The following UGT1A10 variants were observed in gnomAD, a reference collection of about 807,000 sequenced individuals.
The protein encoded by UGT1A10 is UDP glucuronosyltransferase family 1 member A10.
UGT1A10 carries 49 observed loss-of-function variants against 45.8 expected under a neutral mutation model. The observed-to-expected ratio is 1.07, with a 90% CI of 0.85 to 1.36. UGT1A10 has a LOEUF of 1.36. UGT1A10 is among the 40% of genes most tolerant of loss of function. UGT1A10 has a pLI of 0.00. For missense variants in UGT1A10, 745 were observed against 668.6 expected, an observed-to-expected ratio of 1.11 and a Z score of -1.26; for synonymous variants, 284 against 249.7, an observed-to-expected ratio of 1.14 and a Z score of -1.29.
intron 1 of UGT1A10, chr2:233,717,994 C>T (rs1405290169): frequency 4.7e-6 from 2 of 423,448 alleles, no homozygotes; most frequent in Non-Finnish European, 4.8e-6. Context: ...TCAGACTGTG[C>T]AAGATCTGAG....
intron 1 of UGT1A10, chr2:233,722,101 G>A: frequency 1.0e-5 from 2 of 200,878 alleles, no homozygotes; most frequent in Non-Finnish European, 1.0e-5. Context: ...AGGCCTCTTA[G>A]AGGAAGAGCT....
intron 1 of UGT1A10, chr2:233,717,918 A>C (rs2076615839): frequency 2.2e-6 from 1 of 454,686 alleles, no homozygotes; most frequent in Non-Finnish European, 4.4e-6. Flanking sequence ...GGCCTGGATG[A>C]ATGGATACTT....
chr2:233,695,435 C>CT (rs747907611), intron 1 of UGT1A10, among the ~76,000 whole-genome samples: 38 of 130,502 alleles, frequency 2.9e-4, no homozygotes, highest in Middle Eastern at 4.3e-3. Flanking sequence ...TCTTCTTCTT[C>CT]TTTTTTTTTT....
intron 1 of UGT1A10, among the ~76,000 whole-genome samples, chr2:233,727,545 T>C (rs2077627675): frequency 2.0e-5 from 3 of 152,198 alleles, no homozygotes. Flanking sequence ...GTTCCACCCG[T>C]CACCTGGGCT....
intron 1 of UGT1A10, among the ~76,000 whole-genome samples, chr2:233,684,577 C>T (rs2074685894): frequency 6.6e-6 from 1 of 152,090 alleles, no homozygotes; most frequent in South Asian, 2.1e-4. Context: ...AAATATGAAA[C>T]ATTGAGCCAT....
intron 1 of UGT1A10, among the ~76,000 whole-genome samples, chr2:233,668,561 A>T (rs866886938): frequency 9.2e-5 from 14 of 152,176 alleles, no homozygotes; most frequent in Admixed American, 2.0e-4. Flanking sequence ...AATCCTTTGG[A>T]TACATACCCA....
intron 1 of UGT1A10, among the ~76,000 whole-genome samples, chr2:233,661,027 A>G (rs766781366): frequency 1.3e-5 from 2 of 152,114 alleles, no homozygotes; most frequent in African/African-American, 2.4e-5. Flanking sequence ...ATATTAGAGT[A>G]TATAGGTATG....
chr2:233,758,308 C>G (rs1190172459), intron 1 of UGT1A10, among the ~76,000 whole-genome samples: 1 of 152,214 alleles, frequency 6.6e-6, no homozygotes. Flanking sequence ...TCCAGGTACA[C>G]AGCAGAAGCA....
chr2:233,751,650 C>G (rs1180947781), intron 1 of UGT1A10, among the ~76,000 whole-genome samples: 1 of 152,190 alleles, frequency 6.6e-6, no homozygotes, highest in African/African-American at 2.4e-5. Context: ...TTGCTGTTCT[C>G]ATCCTACTGA....
intron 1 of UGT1A10, among the ~76,000 whole-genome samples, chr2:233,717,146 T>C (rs952577384): frequency 6.6e-6 from 1 of 152,072 alleles, no homozygotes; most frequent in Non-Finnish European, 1.5e-5. Context: ...TACATGGAAA[T>C]AGAACATGGG....
At chr2:233,756,870 A>C (rs1360096515) in intron 1 of UGT1A10, among the ~76,000 whole-genome samples, 4 of 152,134 alleles carry the variant, frequency 2.6e-5, no homozygotes, top group Admixed American at 2.6e-4. Flanking sequence ...AAAGGGTATT[A>C]GGTGTAATGA....
Position 233,636,865 on chromosome 2 carries a change from G to A in UGT1A10, c.343G>A (p.Gly115Ser). ...TTCTCTATTAATGAGTTCATCCAGTGGTTTTCTTGACTTATTTTTTTCGCA... is the reference window on the plus strand; with the variant it reads ...TTCTCTATTAATGAGTTCATCCAGTAGTTTTCTTGACTTATTTTTTTCGCA... ...IFSLLMSSSS[G>S]FLDLFFSHCR... Residue 115 changes from glycine to serine, a missense_variant, in exon 1 of 5, where the codon GGT (glycine) becomes AGT (serine). Physicochemically the swap from Gly to Ser is moderately conservative, Grantham distance 56 (BLOSUM62 0). Transcript: ENST00000344644. The A allele has an allele frequency of 6.2e-7, 1 of 1,614,086 alleles. No individual in the cohort carries two copies. The highest frequency in any genetic ancestry group is 8.5e-7 in the Non-Finnish European group (1 of 1,180,018).
At chr2:233,766,486 C>T (rs562758025) in intron 1 of UGT1A10, among the ~76,000 whole-genome samples, 29 of 152,240 alleles carry the variant, frequency 1.9e-4, no homozygotes, top group African/African-American at 6.5e-4. Flanking sequence ...ATGATGGGGG[C>T]GTGGCAGGCC....
chr2:233,759,046 C>G (rs1422861422), intron 1 of UGT1A10, among the ~76,000 whole-genome samples: 1 of 152,268 alleles, frequency 6.6e-6, no homozygotes, highest in South Asian at 2.1e-4. Context: ...CTGTTGTGAA[C>G]AAAAGTTCTC....
chr2:233,637,417 C>T, intron 1 of UGT1A10, 40 bp downstream of exon 1: 2 of 1,553,490 alleles, frequency 1.3e-6, no homozygotes, highest in Middle Eastern at 1.7e-4. Flanking sequence ...AATAATCTGG[C>T]TTTGGAAATT....
In UGT1A10 at chr2:233,723,213, CTT is replaced by C. The variant is rs201420005; in HGVS notation, c.856-43806_856-43805del. On this transcript the variant is annotated intron_variant, in intron 1 of 4. Coordinates refer to ENST00000344644, the MANE Select transcript of UGT1A10 (RefSeq NM_019075.4). ...ATGTGGTAAAAAAAGTCAAAACTGA[CTT>C]TTTTTTTTTTTTTTGAGTTGGAGTC... Among the ~76,000 whole-genome samples, 40 of 88,776 alleles carry C rather than the reference CTT, an allele frequency of 4.5e-4. 2 individuals are homozygous for C. Among genetic ancestry groups the C allele is most frequent in the East Asian group, 2.4e-3 (8 of 3,302 alleles). 58.2% of individuals were successfully genotyped at this position (88,776 alleles called of 152,430 possible). A position where few individuals can be genotyped will look rare whatever the true frequency, so the allele number is the denominator to read the frequency against.
chr2:233,713,704 T>G (rs778886685), intron 1 of UGT1A10: 2 of 1,613,920 alleles, frequency 1.2e-6, no homozygotes, highest in Middle Eastern at 1.7e-4. Context: ...GCCTCTGAGC[T>G]TTTTCAGAGA....
chr2:233,649,082 A>T (rs773767959), intron 1 of UGT1A10: 20 of 902,962 alleles, frequency 2.2e-5, no homozygotes, highest in Non-Finnish European at 2.9e-5. Context: ...ATATTTAAAA[A>T]GATTCCTTAC....
At chr2:233,669,565 GTTTTCATTCCAA>G (rs1210230603) in intron 1 of UGT1A10, among the ~76,000 whole-genome samples, 1 of 152,062 alleles carries the variant, frequency 6.6e-6, no homozygotes, top group Non-Finnish European at 1.5e-5. Flanking sequence ...TTTAGGTGCT[GTTTTCATTCCAA>G]TTTTCAATTG....
Sources: gnomAD v4.1 joint callset for allele counts (sites outside exome capture counted in the v4.1 genomes callset) on GRCh38, gnomAD v4.1.1 for gene constraint, MANE v1.5 for transcripts, NCBI Gene and HGNC (gene_info 2026-07-23, HGNC 2026-07-21) for gene names.